Variants in MTUS1 observed in about 807,000 individuals in gnomAD.
MTUS1 encodes microtubule-associated tumor suppressor 1.
A neutral mutation model predicts 120.8 loss-of-function variants in MTUS1; 109 were observed. The observed-to-expected ratio is 0.90, with a 90% CI of 0.77 to 1.06. The LOEUF (loss-of-function observed/expected upper bound fraction) is 1.06, where lower values mean the gene tolerates loss of function less well. MTUS1 is among the 50% of genes least tolerant of loss of function. MTUS1 has a pLI of 0.00. For synonymous variants in MTUS1, 737 were observed against 550.5 expected, an observed-to-expected ratio of 1.34 and a Z score of -4.74; for missense variants, 2,210 against 1,486.3, an observed-to-expected ratio of 1.49 and a Z score of -8.01.
intron 2 of MTUS1, chr8:17,747,998 C>A (rs2047899697): frequency 6.6e-6 from 1 of 152,002 alleles, no homozygotes; most frequent in South Asian, 2.1e-4. Context: ...CAAAGACCTG[C>A]CCCCCCATTA....
At chr8:17,721,215 A>G (rs2045815639) in intron 4 of MTUS1, among the ~76,000 whole-genome samples, 1 of 152,230 alleles carries the variant, frequency 6.6e-6, no homozygotes, top group Admixed American at 6.5e-5. Flanking sequence ...AATTCTTAAC[A>G]TGACCACCCA....
In MTUS1 at chr8:17,676,443, G is replaced by A. The variant is rs181798611; in HGVS notation, c.2839-1191C>T. ...TACATTCAAAGCTCTAGCAGGAGGC[G>A]CGCCATTGGCCCTCGGGCGTCTTAC... On this transcript the variant is annotated intron_variant, in intron 7 of 14. Coordinates refer to ENST00000693296, the MANE Select transcript of MTUS1 (RefSeq NM_001363059.2). The A allele has an allele frequency of 5.5e-4, 360 of 658,452 alleles. 6 individuals are homozygous for A. In the East Asian group the frequency reaches 8.6e-3, roughly 16 times the overall value. 40.8% of individuals were successfully genotyped at this position (658,452 alleles called of 1,614,324 possible). A position where few individuals can be genotyped will look rare whatever the true frequency, so the allele number is the denominator to read the frequency against.
chr8:17,786,788 T>A (rs1052845090), intron 1 of MTUS1, among the ~76,000 whole-genome samples: 1 of 152,230 alleles, frequency 6.6e-6, no homozygotes, highest in South Asian at 2.1e-4. Context: ...TATTAAGAGT[T>A]AAGGTGCTAC....
At chr8:17,748,644 G>C (rs541299137) in intron 2 of MTUS1, among the ~76,000 whole-genome samples, 1 of 152,198 alleles carries the variant, frequency 6.6e-6, no homozygotes, top group Admixed American at 6.5e-5. Context: ...CCTGCACACA[G>C]CATGCTCCTG....
intron 1 of MTUS1, among the ~76,000 whole-genome samples, chr8:17,758,699 C>A (rs1432509710): frequency 6.6e-6 from 1 of 152,124 alleles, no homozygotes; most frequent in African/African-American, 2.4e-5. Context: ...GTGGCATAAG[C>A]AAATATATGC....
At chr8:17,710,950 G>A (rs1472042044) in intron 6 of MTUS1, among the ~76,000 whole-genome samples, 3 of 152,180 alleles carry the variant, frequency 2.0e-5, no homozygotes, top group Non-Finnish European at 4.4e-5. Context: ...GTGACCAGGT[G>A]CACTGTCAGT....
intron 3 of MTUS1, among the ~76,000 whole-genome samples, chr8:17,730,306 AC>A (rs1178785888): frequency 2.0e-5 from 3 of 152,060 alleles, no homozygotes; most frequent in Non-Finnish European, 4.4e-5. Context: ...ATATGGTGAA[AC>A]CCCATCTCTA....
intron 6 of MTUS1, among the ~76,000 whole-genome samples, chr8:17,710,016 A>AC (rs1475545504): frequency 7.9e-5 from 12 of 152,068 alleles, no homozygotes; most frequent in African/African-American, 2.7e-4. Flanking sequence ...CAAAAAAAAA[A>AC]AACACCTTAA....
rs1486576683 is a variant in MTUS1 at position 17,645,418 on chromosome 8, T to C, written c.*508A>G. The C allele has an allele frequency of 6.4e-6, 1 of 155,320 alleles. No homozygotes were observed. Among genetic ancestry groups the C allele is most frequent in the Non-Finnish European group, 1.4e-5 (1 of 69,936 alleles). The allele number at this position is 155,320 out of a possible 1,614,324, so 9.6% of individuals were successfully genotyped here. A position where few individuals can be genotyped will look rare whatever the true frequency, so the allele number is the denominator to read the frequency against. ...GATTGATTGATTATTATTTGATTAG[T>C]ACATATCCAGATATATTCAGATTTT... is the stretch of plus-strand genomic sequence containing the variant. On this transcript the variant is annotated 3_prime_UTR_variant, in exon 15 of 15. Coordinates refer to ENST00000693296, the MANE Select transcript of MTUS1 (RefSeq NM_001363059.2).
intron 8 of MTUS1, among the ~76,000 whole-genome samples, chr8:17,672,751 C>G (rs886974299): frequency 1.3e-5 from 2 of 152,214 alleles, no homozygotes. Flanking sequence ...AGGCCACCCA[C>G]TGTACCAACA....
chr8:17,713,349 A>G (rs1363808109), intron 5 of MTUS1, 97 bp from the exon 6 acceptor site: 2 of 797,952 alleles, frequency 2.5e-6, no homozygotes, highest in East Asian at 2.7e-5. Flanking sequence ...AAAAACAATC[A>G]ATCGCTACAT....
rs189907673 is a variant in MTUS1 at position 17,795,600 on chromosome 8, T to C, written c.-155+5461A>G. The stretch of plus-strand genomic sequence containing the variant: ...TAGAATGAGGGTAAAATGTGTGTTT[T>C]TCTTACTTTTATTTATGTAGCTAAT... On this transcript the variant is annotated intron_variant, in intron 1 of 14. Transcript: ENST00000693296. Among the ~76,000 whole-genome samples the C allele has an allele frequency of 3.6e-4, 55 of 151,308 alleles. 1 individual carries two copies. The highest frequency in any genetic ancestry group is 1.1e-3 in the African/African-American group (47 of 40,902).
chr8:17,713,927 G>C (rs1409201236), intron 5 of MTUS1, among the ~76,000 whole-genome samples: 1 of 152,114 alleles, frequency 6.6e-6, no homozygotes, highest in Admixed American at 6.5e-5. Flanking sequence ...TCCCACACAG[G>C]TAAAACTGTT....
At position 17,688,525 on chromosome 8, in the gene MTUS1, G is replaced by A. The variant is rs548177859; in HGVS notation, c.2624-3983C>T. Among the ~76,000 whole-genome samples, 5 of 152,340 alleles carry A rather than the reference G, an allele frequency of 3.3e-5. No individual in the cohort carries two copies. In the East Asian group the frequency reaches 9.7e-4, roughly 29 times the overall value. On this transcript the variant is annotated intron_variant, in intron 6 of 14. Coordinates refer to ENST00000693296, the MANE Select transcript of MTUS1 (RefSeq NM_001363059.2). ...AGGTTATGAACTCAGAAGCTAGTGA[G>A]AGGTCTCTCTCTGCTAGCGGCATGG...
chr8:17,722,261 ACGGGGC>A (rs2045902826), intron 4 of MTUS1: 2 of 991,742 alleles, frequency 2.0e-6, no homozygotes, highest in Admixed American at 1.2e-4. Context: ...GATGGAAAAC[ACGGGGC>A]TGTGGCACTA....
Position 17,722,291 on chromosome 8 carries a change from C to T in MTUS1, c.2449+1381G>A, listed in dbSNP as rs953674981. The T allele has an allele frequency of 7.2e-6, 7 of 978,106 alleles. No homozygotes were observed. The African/African-American group carries it at 1.2e-4, about 17-fold the overall frequency. 60.6% of individuals were successfully genotyped at this position (978,106 alleles called of 1,614,324 possible). ...GCTGTGGCACTACAGACTGTGTCTG[C>T]TTCAAGTGCCACAAATTCTGTTGCC... On this transcript the variant is annotated intron_variant, in intron 4 of 14. Transcript: ENST00000693296.
At chr8:17,751,836 G>A (rs1440430567) in intron 2 of MTUS1, among the ~76,000 whole-genome samples, 4 of 126,758 alleles carry the variant, frequency 3.2e-5, no homozygotes, top group Non-Finnish European at 6.4e-5. Flanking sequence ...CCAGCCTGGC[G>A]AAAGAGCAAG....
intron 1 of MTUS1, among the ~76,000 whole-genome samples, chr8:17,759,298 T>C (rs939703819): frequency 1.3e-5 from 2 of 150,938 alleles, no homozygotes; most frequent in African/African-American, 2.4e-5. Context: ...AGGTCTCACT[T>C]TGTCACCCAA....
chr8:17,662,405 G>C (rs1809953471), intron 8 of MTUS1, among the ~76,000 whole-genome samples: 1 of 139,384 alleles, frequency 7.2e-6, no homozygotes, highest in South Asian at 2.2e-4. Context: ...ACCTGGGCTA[G>C]AATGCAGTGG....
Sources: gnomAD v4.1 joint callset for allele counts (sites outside exome capture counted in the v4.1 genomes callset) on GRCh38, gnomAD v4.1.1 for gene constraint, MANE v1.5 for transcripts, NCBI Gene and HGNC (gene_info 2026-07-23, HGNC 2026-07-21) for gene names.